The following NTRK3 variants were observed in gnomAD, a reference collection of about 807,000 sequenced individuals.
The protein encoded by NTRK3 is NT-3 growth factor receptor.
Under a neutral mutation model 91.7 loss-of-function variants are expected in NTRK3, and 24 were observed. The ratio of observed to expected loss-of-function variants is 0.26; its 90% CI spans 0.19 to 0.37. The LOEUF (loss-of-function observed/expected upper bound fraction) is 0.37, where lower values mean the gene tolerates loss of function less well. Ranked by LOEUF, NTRK3 falls within the 10% of genes least tolerant of loss-of-function variation. The pLI, the probability that NTRK3 is intolerant of heterozygous loss-of-function variation, is 1.00. For synonymous variants in NTRK3, 483 were observed against 404.0 expected (o/e 1.20, Z -2.34); for missense variants, 880 against 1,068.9 (o/e 0.82, Z 2.46).
At position 88,060,345 on chromosome 15, in the gene NTRK3, T is replaced by C. The variant is rs1317048872; in HGVS notation, c.1397-27300A>G. 3.4e-5 allele frequency among the ~76,000 whole-genome samples: 5 copies of C among 148,228 alleles called. No homozygotes were observed. In the South Asian group the frequency reaches 1.1e-3, roughly 32 times the overall value. Reference sequence around the variant, plus strand: ...GTCGCAGTGATCCAAGATTGCACTATTGCACTCCAGCCTGGGTGACAGAAT... The same window carrying C: ...GTCGCAGTGATCCAAGATTGCACTACTGCACTCCAGCCTGGGTGACAGAAT... On this transcript the variant is annotated intron_variant, in intron 13 of 18. Transcript: ENST00000394480.
intron 5 of NTRK3, among the ~76,000 whole-genome samples, chr15:88,149,998 G>A (rs2043225870): frequency 6.6e-6 from 1 of 152,202 alleles, no homozygotes; most frequent in African/African-American, 2.4e-5. Context: ...GGCACTTTGG[G>A]AAGATGTCCG....
chr15:88,071,168 G>C (rs1370693403), intron 13 of NTRK3, among the ~76,000 whole-genome samples: 1 of 152,248 alleles, frequency 6.6e-6, no homozygotes, highest in Admixed American at 6.5e-5. Context: ...CAGGCCCGAT[G>C]AACTGAGGAT....
At chr15:87,870,493 T>G (rs1239030374) in exon 19 of NTRK3, 1 of 209,834 alleles carries the variant, frequency 4.8e-6, no homozygotes, top group East Asian at 7.1e-5. Context: ...ACTGCCTGGG[T>G]GATGGGTGTG....
chr15:88,191,466 G>A (rs143088686), intron 3 of NTRK3, among the ~76,000 whole-genome samples: 2,191 of 152,176 alleles, frequency 0.014, 15 homozygotes, highest in Middle Eastern at 0.031. Context: ...TTATATGTGA[G>A]TACTCTACTC....
chr15:87,890,228 T>C (rs1257588182), intron 17 of NTRK3, among the ~76,000 whole-genome samples: 1 of 152,120 alleles, frequency 6.6e-6, no homozygotes, highest in Non-Finnish European at 1.5e-5. Flanking sequence ...GACTGATCAG[T>C]GGATTCAATC....
At chr15:87,901,344 A>C (rs558092585) in intron 17 of NTRK3, among the ~76,000 whole-genome samples, 5 of 152,342 alleles carry the variant, frequency 3.3e-5, no homozygotes, top group South Asian at 2.1e-4. Flanking sequence ...AAAATATAGA[A>C]GGGGAATTTG....
chr15:87,969,329 G>T (rs547349331), intron 14 of NTRK3, among the ~76,000 whole-genome samples: 1 of 152,274 alleles, frequency 6.6e-6, no homozygotes, highest in African/African-American at 2.4e-5. Context: ...AGGGAAAGAG[G>T]TAACTCCTGC....
chr15:88,075,965 T>G (rs1256688295), intron 13 of NTRK3, among the ~76,000 whole-genome samples: 2 of 152,244 alleles, frequency 1.3e-5, no homozygotes, highest in African/African-American at 4.8e-5. Context: ...TGGCACACAC[T>G]CAGCTTTCAG....
intron 14 of NTRK3, among the ~76,000 whole-genome samples, chr15:88,029,952 G>T (rs937124278): frequency 1.3e-5 from 2 of 152,184 alleles, no homozygotes; most frequent in Non-Finnish European, 2.9e-5. Flanking sequence ...TTAGCAGAGG[G>T]AGGATTAGAC....
At chr15:87,964,498 A>C (rs1253544777) in intron 14 of NTRK3, among the ~76,000 whole-genome samples, 1 of 152,042 alleles carries the variant, frequency 6.6e-6, no homozygotes, top group Non-Finnish European at 1.5e-5. Context: ...TTATTGAGAC[A>C]TTATTTTACA....
chr15:87,886,573 T>C (rs947125384), intron 17 of NTRK3, among the ~76,000 whole-genome samples: 3 of 150,746 alleles, frequency 2.0e-5, no homozygotes, highest in African/African-American at 4.9e-5. Flanking sequence ...AGTGATACCA[T>C]GTAACCTTGA....
chr15:87,999,247 T>C (rs1184428912), intron 14 of NTRK3, among the ~76,000 whole-genome samples: 1 of 152,196 alleles, frequency 6.6e-6, no homozygotes, highest in African/African-American at 2.4e-5. Context: ...ACTATTCCTC[T>C]GAACAATGGA....
intron 5 of NTRK3, 45 bp downstream of exon 5, chr15:88,183,373 G>C (rs779200293): frequency 6.3e-7 from 1 of 1,593,918 alleles, no homozygotes; most frequent in Non-Finnish European, 8.6e-7. Context: ...TGCCCCAAGA[G>C]TACCTGCCAT....
At chr15:88,145,796 T>TC (rs1393710008) in intron 6 of NTRK3, among the ~76,000 whole-genome samples, 1 of 151,852 alleles carries the variant, frequency 6.6e-6, no homozygotes, top group Non-Finnish European at 1.5e-5. Flanking sequence ...AAGAAAGAGA[T>TC]CCCCCAAGGC....
chr15:88,145,737 C>T (rs911998297), intron 6 of NTRK3, among the ~76,000 whole-genome samples: 2 of 152,164 alleles, frequency 1.3e-5, no homozygotes, highest in African/African-American at 4.8e-5. Context: ...CCCTGGCCTC[C>T]TGAGATGAAG....
intron 14 of NTRK3, among the ~76,000 whole-genome samples, chr15:87,963,549 A>G (rs2072503341): frequency 6.6e-6 from 1 of 152,230 alleles, no homozygotes; most frequent in African/African-American, 2.4e-5. Context: ...TATTCCATAA[A>G]TTACATGAGA....
chr15:88,077,738 C>T (rs1265487638), intron 13 of NTRK3, among the ~76,000 whole-genome samples: 1 of 152,200 alleles, frequency 6.6e-6, no homozygotes, highest in Non-Finnish European at 1.5e-5. Flanking sequence ...AAACCTCCCT[C>T]CTGTACTTGG....
intron 3 of NTRK3, among the ~76,000 whole-genome samples, chr15:88,218,659 C>T (rs1267185666): frequency 1.3e-5 from 2 of 152,190 alleles, no homozygotes; most frequent in Non-Finnish European, 2.9e-5. Context: ...GCCTGGGGAC[C>T]TTGGGAAGCA....
At position 88,165,686 on chromosome 15, in the gene NTRK3, T is replaced by G. The variant is rs145330093; in HGVS notation, c.395+17732A>C. ...CAACAACATTTTATGGTCTGTATTA[T>G]TATAATGATTTGCTCTCATTGACAG... On this transcript the variant is annotated intron_variant, in intron 5 of 18. Coordinates refer to ENST00000394480, the Ensembl canonical transcript of NTRK3. Among the ~76,000 whole-genome samples, 22 of 152,358 alleles carry G rather than the reference T, an allele frequency of 1.4e-4. 1 individual carries two copies. In the East Asian group the frequency reaches 4.2e-3, roughly 29 times the overall value.
Sources: gnomAD v4.1 joint callset for allele counts (sites outside exome capture counted in the v4.1 genomes callset) on GRCh38, gnomAD v4.1.1 for gene constraint, MANE v1.5 for transcripts, NCBI Gene and HGNC (gene_info 2026-07-23, HGNC 2026-07-21) for gene names.